CCDC14: variants seen among roughly 807,000 people sequenced by gnomAD.
CCDC14 encodes coiled-coil domain containing 14.
Under a neutral mutation model 81.4 loss-of-function variants are expected in CCDC14, and 71 were observed. That is an observed-to-expected ratio of 0.87 (90% CI 0.72 to 1.06). The LOEUF is 1.06. Ranked by LOEUF, CCDC14 falls within the 50% of genes least tolerant of loss-of-function variation. CCDC14 has a pLI of 0.00. For missense variants in CCDC14, 1,046 were observed against 1,047.3 expected, an observed-to-expected ratio of 1.00 and a Z score of 0.02; for synonymous variants, 332 against 364.8, an observed-to-expected ratio of 0.91 and a Z score of 1.03.
chr3:123,941,039 T>C (rs2036322495), intron 9 of CCDC14, among the ~76,000 whole-genome samples: 1 of 152,072 alleles, frequency 6.6e-6, no homozygotes, highest in African/African-American at 2.4e-5. Flanking sequence ...CATTTTTATG[T>C]TCTGTGTGGC....
chr3:123,924,491 A>T (rs1294930979), intron 12 of CCDC14, among the ~76,000 whole-genome samples: 3 of 152,164 alleles, frequency 2.0e-5, no homozygotes, highest in African/African-American at 7.2e-5. Context: ...AATCTAACAG[A>T]GTGAAGAGAC....
At chr3:123,888,044 T>C in the CCDC14 span, among the ~76,000 whole-genome samples, 2 of 152,102 alleles carry the variant, frequency 1.3e-5, no homozygotes, top group Non-Finnish European at 1.5e-5. Context: ...ATTTCTCAAA[T>C]GCTTTTTAAA....
chr3:123,946,680 C>T (rs747988626), intron 8 of CCDC14, 123 bp downstream of exon 8: 2 of 962,340 alleles, frequency 2.1e-6, no homozygotes, highest in Non-Finnish European at 3.1e-6. Flanking sequence ...AACTCATTTT[C>T]TTATTAGCTC....
the CCDC14 span, among the ~76,000 whole-genome samples, chr3:123,889,813 G>A: frequency 6.6e-6 from 1 of 152,228 alleles, no homozygotes; most frequent in East Asian, 1.9e-4. Flanking sequence ...ACCTAGTGGA[G>A]GTTCTCCATA....
In CCDC14 at chr3:123,956,380, G is replaced by A; in HGVS notation, c.134C>T (p.Ser45Phe). 1.3e-6 allele frequency: 2 copies of A among 1,547,510 alleles called. No homozygotes were observed. Among genetic ancestry groups the A allele is most frequent in the Non-Finnish European group, 1.7e-6 (2 of 1,144,712 alleles). The stretch of plus-strand genomic sequence containing the variant: ...CTGACTTTCTGAATCAGAATGGATG[G>A]AATAGCCAGAATCTGCATTAAAACG... ...IPRFNADSGY[S>F]IHSDSESQAE... Residue 45 changes from serine to phenylalanine, a missense_variant, in exon 3 of 13, where the codon TCC (serine) becomes TTC (phenylalanine). By Grantham distance (155) the Ser-to-Phe change is radical. Transcript: ENST00000409697.
Position 123,945,010 on chromosome 3 carries a change from T to G in CCDC14, c.1202-20A>C. 2 of 1,541,122 alleles carry G rather than the reference T, an allele frequency of 1.3e-6. No individual in the cohort carries two copies. Among genetic ancestry groups the G allele is most frequent in the Non-Finnish European group, 1.8e-6 (2 of 1,130,988 alleles). On this transcript the variant is annotated intron_variant, in intron 8 of 12. Coordinates refer to ENST00000409697, the MANE Select transcript of CCDC14 (RefSeq NM_001366335.1). ...AATCCTCTATAGAAGGCAACAGAAA[T>G]GAGTAAAATCAATATTATATTTTTG... is the stretch of plus-strand genomic sequence containing the variant.
At chr3:123,960,805 G>A (rs1010921614) in intron 1 of CCDC14, among the ~76,000 whole-genome samples, 34 of 152,188 alleles carry the variant, frequency 2.2e-4, no homozygotes, top group African/African-American at 7.9e-4. Flanking sequence ...AGGAAGTTCT[G>A]AGCAGTAAAA....
At chr3:123,945,336 A>G (rs1002097912) in intron 8 of CCDC14, among the ~76,000 whole-genome samples, 2 of 152,068 alleles carry the variant, frequency 1.3e-5, no homozygotes, top group African/African-American at 2.4e-5. Flanking sequence ...GTGGACTCCT[A>G]TGATTGCTAT....
At chr3:123,915,881 G>C (rs1247815559) in intron 12 of CCDC14, among the ~76,000 whole-genome samples, 163 bp from the exon 13 acceptor site, 1 of 152,028 alleles carries the variant, frequency 6.6e-6, no homozygotes, top group Admixed American at 6.5e-5. Context: ...GCTTTGGCAA[G>C]AGCATATAAT....
At chr3:123,954,523 T>C (rs903584667) in intron 5 of CCDC14, 2 of 152,128 alleles carry the variant, frequency 1.3e-5, no homozygotes, top group Non-Finnish European at 2.9e-5. Flanking sequence ...AGTAACCATA[T>C]AAAATAGGTA....
chr3:123,950,049 CA>C (rs2036916681), intron 5 of CCDC14, among the ~76,000 whole-genome samples: 1 of 152,104 alleles, frequency 6.6e-6, no homozygotes, highest in Non-Finnish European at 1.5e-5. Flanking sequence ...AAGTAAAAAA[CA>C]ACAAAGTTTT....
intron 5 of CCDC14, among the ~76,000 whole-genome samples, chr3:123,950,758 C>T (rs1056436087): frequency 2.6e-5 from 4 of 151,362 alleles, no homozygotes; most frequent in African/African-American, 9.7e-5. Context: ...GATTTATGTA[C>T]TTTAAAATTA....
chr3:123,937,686 AT>A (rs937692645), intron 9 of CCDC14, among the ~76,000 whole-genome samples: 2 of 151,546 alleles, frequency 1.3e-5, no homozygotes, highest in Non-Finnish European at 3.0e-5. Flanking sequence ...CACTTTACTC[AT>A]TTTTTTCTAG....
At position 123,948,980 on chromosome 3, in the gene CCDC14, G is replaced by C. The variant is rs1429085659; in HGVS notation, c.505C>G (p.Gln169Glu). ...YQALCEHVQT[Q>E]MSLMNDLTSK... ...GTCAAGTCATTCATCAGTGACATCT[G>C]AGTCTGCACGTGCTCACAGAGGGCT... Residue 169 changes from glutamine (Q) to glutamate (E), a missense_variant, in exon 6 of 13, where the codon CAG (glutamine) becomes GAG (glutamate). Transcript: ENST00000409697. The C allele has an allele frequency of 6.2e-7, 1 of 1,613,860 alleles. No individual in the cohort carries two copies. Among genetic ancestry groups the C allele is most frequent in the Non-Finnish European group, 8.5e-7 (1 of 1,179,880 alleles).
Position 123,903,002 on chromosome 3 carries a change from T to C in CCDC14, c.668-5389A>G, listed in dbSNP as rs2034208916. On this transcript the variant is annotated intron_variant, in intron 5 of 5. Transcript: ENST00000479903. Reference sequence around the variant, plus strand: ...CCCACCGACAGGCCCCAGTGTGTGATGTTTCCCTCCCTGTGTCTATGTCTT... The same window carrying C: ...CCCACCGACAGGCCCCAGTGTGTGACGTTTCCCTCCCTGTGTCTATGTCTT... 3.9e-5 allele frequency among the ~76,000 whole-genome samples: 6 copies of C among 152,166 alleles called. 1 individual carries two copies. Among genetic ancestry groups the C allele is most frequent in the Admixed American group, 3.9e-4 (6 of 15,274 alleles).
chr3:123,908,312 T>C (rs2034366307), intron 5 of CCDC14, among the ~76,000 whole-genome samples: 1 of 152,146 alleles, frequency 6.6e-6, no homozygotes, highest in Non-Finnish European at 1.5e-5. Flanking sequence ...ATCTCCTCAT[T>C]TGGGAGGCAC....
chr3:123,890,929 C>T, the CCDC14 span, among the ~76,000 whole-genome samples: 5 of 152,344 alleles, frequency 3.3e-5, no homozygotes, highest in South Asian at 1.0e-3. Context: ...AAACTTCCAC[C>T]TGGGCATCCA....
At chr3:123,924,978 C>T (rs1218729100) in intron 12 of CCDC14, among the ~76,000 whole-genome samples, 1 of 149,928 alleles carries the variant, frequency 6.7e-6, no homozygotes, top group Non-Finnish European at 1.5e-5. Flanking sequence ...CACACACACA[C>T]ATCTATCTAT....
intron 9 of CCDC14, among the ~76,000 whole-genome samples, chr3:123,936,425 T>A (rs1185516757): frequency 6.6e-6 from 1 of 151,978 alleles, no homozygotes; most frequent in African/African-American, 2.4e-5. Context: ...ATAAACTACA[T>A]AAATTTAAAG....
Sources: gnomAD v4.1 joint callset for allele counts (sites outside exome capture counted in the v4.1 genomes callset) on GRCh38, gnomAD v4.1.1 for gene constraint, MANE v1.5 for transcripts, NCBI Gene and HGNC (gene_info 2026-07-23, HGNC 2026-07-21) for gene names.